Variants in CNTN4 observed in about 807,000 individuals in gnomAD.
The protein encoded by CNTN4 is contactin 4, also known as contactin-4.
A neutral mutation model predicts 122.5 loss-of-function variants in CNTN4; 77 were observed. The ratio of observed to expected loss-of-function variants is 0.63; its 90% CI spans 0.52 to 0.76. The LOEUF (loss-of-function observed/expected upper bound fraction) is 0.76. Among genes scored for constraint, CNTN4 ranks in the 30% least tolerant of loss-of-function variants. The pLI, the probability that CNTN4 is intolerant of heterozygous loss-of-function variation, is 0.00. For missense variants in CNTN4, 1,256 were observed against 1,259.1 expected (o/e 1.00, Z 0.04); for synonymous variants, 512 against 447.0 (o/e 1.15, Z -1.83).
chr3:2,792,647 C>T (rs572015683), intron 6 of CNTN4, among the ~76,000 whole-genome samples: 9 of 152,274 alleles, frequency 5.9e-5, no homozygotes, highest in Admixed American at 4.6e-4. Context: ...CTACAGAAAC[C>T]GTCTTGCTAA....
chr3:2,304,502 A>G (rs1429251631), intron 2 of CNTN4, among the ~76,000 whole-genome samples: 1 of 152,116 alleles, frequency 6.6e-6, no homozygotes, highest in Non-Finnish European at 1.5e-5. Context: ...TTAAAGACAG[A>G]CCAAAGGGAG....
chr3:2,346,994 C>T (rs75574571), intron 3 of CNTN4, among the ~76,000 whole-genome samples: 1 of 128,174 alleles, frequency 7.8e-6, no homozygotes, highest in Non-Finnish European at 1.7e-5. Context: ...ATCCATAACT[C>T]CTAGCTAGCC....
intron 6 of CNTN4, among the ~76,000 whole-genome samples, chr3:2,802,788 G>A (rs2150071613): frequency 6.6e-6 from 1 of 152,272 alleles, no homozygotes; most frequent in East Asian, 1.9e-4. Context: ...GTATGGTGCT[G>A]AGGCTGAAAG....
chr3:2,268,767 T>C (rs927364103), intron 2 of CNTN4, among the ~76,000 whole-genome samples: 6 of 152,166 alleles, frequency 3.9e-5, no homozygotes, highest in Non-Finnish European at 8.8e-5. Context: ...TTACGTTCTT[T>C]ATCAGCCACC....
At chr3:2,428,813 T>C (rs1470222309) in intron 3 of CNTN4, among the ~76,000 whole-genome samples, 1 of 152,194 alleles carries the variant, frequency 6.6e-6, no homozygotes, top group Non-Finnish European at 1.5e-5. Context: ...CTTGCTTCAT[T>C]TCATTCATCT....
chr3:2,630,752 T>G (rs576798608), intron 4 of CNTN4, among the ~76,000 whole-genome samples: 1 of 151,778 alleles, frequency 6.6e-6, no homozygotes, highest in South Asian at 2.1e-4. Flanking sequence ...TAATAAAATC[T>G]TAGGAATACT....
intron 3 of CNTN4, among the ~76,000 whole-genome samples, chr3:2,352,667 T>C (rs112837540): frequency 0.13 from 19,280 of 152,026 alleles, 1,526 homozygotes; most frequent in Non-Finnish European, 0.18. Flanking sequence ...AAGCCCGAGC[T>C]CCCCCACGGT....
At chr3:2,507,749 A>T (rs1401313771) in intron 3 of CNTN4, among the ~76,000 whole-genome samples, 2 of 149,982 alleles carry the variant, frequency 1.3e-5, no homozygotes, top group Non-Finnish European at 3.0e-5. Flanking sequence ...AAAAAAAAAA[A>T]AGAAAGAAAG....
At chr3:2,194,825 G>A (rs968187685) in intron 2 of CNTN4, among the ~76,000 whole-genome samples, 5 of 152,110 alleles carry the variant, frequency 3.3e-5, no homozygotes, top group Non-Finnish European at 7.4e-5. Flanking sequence ...AGAAGTTTTC[G>A]TGACAAATTT....
chr3:2,346,765 C>T (rs1471645108), intron 3 of CNTN4, among the ~76,000 whole-genome samples: 1 of 152,046 alleles, frequency 6.6e-6, no homozygotes, highest in Admixed American at 6.6e-5. Flanking sequence ...TAAGATATTT[C>T]TTACATTTGG....
In CNTN4 at chr3:2,586,493, A is replaced by T. The variant is rs191116345; in HGVS notation, c.55+14935A>T. On this transcript the variant is annotated intron_variant, in intron 4 of 24. Transcript: ENST00000418658. ...TTTTTAGTAGAGATGGGATTTCACC[A>T]TGTTGGCCAGGCTTGTCTCGAACCC... Among the ~76,000 whole-genome samples the T allele has an allele frequency of 3.9e-5, 6 of 152,174 alleles. No individual in the cohort carries two copies. The East Asian group carries it at 1.2e-3, about 29-fold the overall frequency.
At chr3:2,498,182 T>C (rs1374794719) in intron 3 of CNTN4, among the ~76,000 whole-genome samples, 1 of 152,138 alleles carries the variant, frequency 6.6e-6, no homozygotes, top group Non-Finnish European at 1.5e-5. Context: ...GGAATATATA[T>C]GGAGTATGAA....
At chr3:2,354,216 A>C (rs527839822) in intron 3 of CNTN4, among the ~76,000 whole-genome samples, 1 of 152,306 alleles carries the variant, frequency 6.6e-6, no homozygotes, top group South Asian at 2.1e-4. Context: ...AATCACTTCC[A>C]TATTGCTACA....
At chr3:2,256,073 A>G (rs1198743815) in intron 2 of CNTN4, among the ~76,000 whole-genome samples, 2 of 152,164 alleles carry the variant, frequency 1.3e-5, no homozygotes, top group Non-Finnish European at 2.9e-5. Flanking sequence ...AAGAGAGAAG[A>G]ATCAACTAGA....
chr3:2,842,488 G>A lies in CNTN4; in HGVS notation c.454+22907G>A, dbSNP rs897286571. On this transcript the variant is annotated intron_variant, in intron 7 of 24. Transcript: ENST00000418658. The stretch of plus-strand genomic sequence containing the variant: ...CTGCTACATCACTCCTACCTGCATC[G>A]GAACAATGTGGCAACATCTCCTGCT... Among the ~76,000 whole-genome samples, 11 of 148,162 alleles carry A rather than the reference G, an allele frequency of 7.4e-5. 1 individual carries two copies. The Middle Eastern group carries it at 0.017, about 234-fold the overall frequency.
At chr3:2,325,495 T>C (rs1008422188) in intron 2 of CNTN4, among the ~76,000 whole-genome samples, 6 of 152,248 alleles carry the variant, frequency 3.9e-5, no homozygotes, top group African/African-American at 1.4e-4. Flanking sequence ...ATGGTCTTAC[T>C]TGAATACCTG....
chr3:3,026,424 T>C, intron 15 of CNTN4, 147 bp downstream of exon 15: 2 of 726,492 alleles, frequency 2.8e-6, no homozygotes, highest in Non-Finnish European at 4.8e-6. Flanking sequence ...GCACAATAAA[T>C]GTGGCATCAC....
intron 23 of CNTN4, among the ~76,000 whole-genome samples, chr3:3,046,593 C>G (rs1700682942): frequency 6.6e-6 from 1 of 152,064 alleles, no homozygotes; most frequent in African/African-American, 2.4e-5. Flanking sequence ...GATTTTGTCA[C>G]CACCAGGCCT....
intron 17 of CNTN4, 98 bp downstream of exon 17, chr3:3,034,888 T>G (rs1302854209): frequency 4.7e-5 from 58 of 1,222,226 alleles, no homozygotes; most frequent in Non-Finnish European, 5.9e-5. Context: ...CAGACACTAC[T>G]ACAAATGATA....
Sources: allele counts gnomAD v4.1 joint callset (sites outside exome capture counted in the v4.1 genomes callset), GRCh38; gene constraint gnomAD v4.1.1; transcripts MANE v1.5; gene names NCBI Gene and HGNC (gene_info 2026-07-23, HGNC 2026-07-21).